The following SLC25A48 variants were observed in gnomAD, a reference collection of about 807,000 sequenced individuals.
The protein encoded by SLC25A48 is CTC-321K16.1.
In SLC25A48, 29 loss-of-function variants were observed where a neutral mutation model predicts 32.2. The ratio of observed to expected loss-of-function variants is 0.90; its 90% CI spans 0.67 to 1.23. The LOEUF is 1.23. Ranked by LOEUF, SLC25A48 falls within the 50% of genes most tolerant of loss-of-function variation. The probability of loss-of-function intolerance (pLI) is 0.00; values close to 1 mark genes in which losing one functional copy is unlikely to be tolerated. For synonymous variants in SLC25A48, 164 were observed against 172.3 expected, an observed-to-expected ratio of 0.95 and a Z score of 0.38; for missense variants, 399 against 422.7, an observed-to-expected ratio of 0.94 and a Z score of 0.49.
At chr5:135,730,167 C>T (rs1755191226) in intron 3 of SLC25A48, among the ~76,000 whole-genome samples, 1 of 152,192 alleles carries the variant, frequency 6.6e-6, no homozygotes, top group South Asian at 2.1e-4. Flanking sequence ...TGACTATTCT[C>T]TAAATTAATT....
intron 3 of SLC25A48, among the ~76,000 whole-genome samples, chr5:135,778,143 G>A (rs11242279): frequency 0.4 from 61,071 of 151,240 alleles, 14,193 homozygotes; most frequent in Non-Finnish European, 0.52. Context: ...GTGTACATGC[G>A]CCCCGTGGTA....
intron 3 of SLC25A48, among the ~76,000 whole-genome samples, chr5:135,808,229 CTG>C (rs1462877376): frequency 1.3e-5 from 2 of 149,934 alleles, no homozygotes; most frequent in African/African-American, 2.4e-5. Flanking sequence ...TGTGGTAACA[CTG>C]TATTAACACT....
intron 3 of SLC25A48, among the ~76,000 whole-genome samples, chr5:135,694,586 TTTAC>T (rs978717205): frequency 4.0e-5 from 6 of 149,546 alleles, no homozygotes; most frequent in Admixed American, 6.6e-5. Flanking sequence ...TATTTATTTA[TTTAC>T]TTTTATTTTT....
intron 1 of SLC25A48, among the ~76,000 whole-genome samples, chr5:135,620,682 A>G (rs1752306445): frequency 6.6e-6 from 1 of 152,140 alleles, no homozygotes; most frequent in African/African-American, 2.4e-5. Context: ...GCCCAGTGGC[A>G]GGACAGGACA....
chr5:135,818,471 A>G (rs889018225), intron 4 of SLC25A48, among the ~76,000 whole-genome samples: 1 of 152,220 alleles, frequency 6.6e-6, no homozygotes, highest in African/African-American at 2.4e-5. Context: ...ATTGCTAAAT[A>G]ATGCATCCAA....
chr5:135,731,943 T>C (rs1384707201), intron 3 of SLC25A48, among the ~76,000 whole-genome samples: 1 of 152,228 alleles, frequency 6.6e-6, no homozygotes. Flanking sequence ...AATAGGAGTA[T>C]GACTAGACAG....
intron 1 of SLC25A48, among the ~76,000 whole-genome samples, chr5:135,580,893 C>T (rs1258812280): frequency 1.3e-5 from 2 of 152,094 alleles, no homozygotes; most frequent in African/African-American, 2.4e-5. Context: ...TTGTGAACAT[C>T]GCTCCATGTG....
At chr5:135,641,817 A>T (rs913280242) in intron 3 of SLC25A48, among the ~76,000 whole-genome samples, 1 of 152,180 alleles carries the variant, frequency 6.6e-6, no homozygotes, top group Non-Finnish European at 1.5e-5. Context: ...GCTCCAATAC[A>T]TCACCATCAT....
At chr5:135,756,824 A>G (rs1367079653) in intron 3 of SLC25A48, among the ~76,000 whole-genome samples, 1 of 151,812 alleles carries the variant, frequency 6.6e-6, no homozygotes, top group Admixed American at 6.6e-5. Flanking sequence ...TCTAGATGAT[A>G]TTTATAATAT....
intron 4 of SLC25A48, 39 bp from the exon 5 acceptor site, chr5:135,871,422 C>A (rs1443874603): frequency 2.6e-6 from 4 of 1,557,040 alleles, no homozygotes; most frequent in Non-Finnish European, 3.5e-6. Context: ...TCTCTTACAC[C>A]CTGGGTCACT....
chr5:135,820,138 A>T (rs555856981), intron 4 of SLC25A48, among the ~76,000 whole-genome samples: 2 of 152,204 alleles, frequency 1.3e-5, no homozygotes, highest in Non-Finnish European at 2.9e-5. Flanking sequence ...TTCTAGCAGC[A>T]CTATTCACAA....
At chr5:135,737,133 G>A (rs892627168) in intron 3 of SLC25A48, among the ~76,000 whole-genome samples, 10 of 152,164 alleles carry the variant, frequency 6.6e-5, no homozygotes, top group Admixed American at 6.5e-4. Flanking sequence ...GGCTTTGTGT[G>A]AGCAACAAGG....
intron 3 of SLC25A48, among the ~76,000 whole-genome samples, chr5:135,691,964 T>C (rs1754152203): frequency 1.3e-5 from 2 of 152,194 alleles, no homozygotes; most frequent in African/African-American, 2.4e-5. Context: ...CTCAGAGAAG[T>C]CCAGAGTCCT....
intron 3 of SLC25A48, among the ~76,000 whole-genome samples, chr5:135,784,990 A>G (rs1756799048): frequency 1.7e-5 from 1 of 58,466 alleles, no homozygotes; most frequent in Non-Finnish European, 6.4e-5. Context: ...CAGTAGTTGT[A>G]TACAAATATT....
intron 3 of SLC25A48, among the ~76,000 whole-genome samples, chr5:135,735,820 T>A (rs1290834082): frequency 6.6e-6 from 1 of 152,146 alleles, no homozygotes. Context: ...CTGTATATAT[T>A]CAGTAGGGTC....
At chr5:135,649,290 T>A (rs1753045814) in intron 3 of SLC25A48, 1 of 151,868 alleles carries the variant, frequency 6.6e-6, no homozygotes, top group African/African-American at 2.4e-5. Context: ...TGAAAAAAAA[T>A]GGTGTAAATG....
chr5:135,798,385 T>C (rs4976532), intron 3 of SLC25A48, among the ~76,000 whole-genome samples: 99,210 of 151,426 alleles, frequency 0.66, 34,503 homozygotes, highest in Non-Finnish European at 0.78. Context: ...CCCAATATCA[T>C]AGAGATTGTA....
chr5:135,809,425 G>A (rs1292367396), intron 3 of SLC25A48, among the ~76,000 whole-genome samples: 4 of 152,142 alleles, frequency 2.6e-5, no homozygotes, highest in African/African-American at 9.7e-5. Context: ...TTAATGGTGA[G>A]GAAAATAGAC....
At chr5:135,619,538 A>G (rs184972504) in intron 1 of SLC25A48, among the ~76,000 whole-genome samples, 6 of 152,128 alleles carry the variant, frequency 3.9e-5, no homozygotes, top group Non-Finnish European at 8.8e-5. Flanking sequence ...TTTTGGCAGT[A>G]TTGTGTTTCC....
Sources: gnomAD v4.1 joint callset for allele counts (sites outside exome capture counted in the v4.1 genomes callset) on GRCh38, gnomAD v4.1.1 for gene constraint, MANE v1.5 for transcripts, NCBI Gene and HGNC (gene_info 2026-07-23, HGNC 2026-07-21) for gene names.